The following RBMS2 variants were observed in gnomAD, a reference collection of about 807,000 sequenced individuals.
The protein encoded by RBMS2 is RNA binding motif single stranded interacting protein 2, also known as RNA-binding motif, single-stranded-interacting protein 2.
A neutral mutation model predicts 58.4 loss-of-function variants in RBMS2; 38 were observed. That is an observed-to-expected ratio of 0.65 (90% confidence interval 0.50 to 0.85). RBMS2 has a LOEUF of 0.85. Among genes scored for constraint, RBMS2 ranks in the 40% least tolerant of loss-of-function variants. The pLI is 0.00. For missense variants in RBMS2, 367 were observed against 503.7 expected (o/e 0.73, Z 2.60); for synonymous variants, 151 against 180.7 (o/e 0.84, Z 1.32).
chr12:56,569,124 A>G (rs990413879), intron 3 of RBMS2, 91 bp downstream of exon 3: 99 of 1,188,554 alleles, frequency 8.3e-5, no homozygotes, highest in Non-Finnish European at 1.2e-4. Context: ...TCCTGAGTCT[A>G]CAGTGTCAGC....
At chr12:56,570,697 C>T (rs939343399) in intron 4 of RBMS2, among the ~76,000 whole-genome samples, 6 of 152,212 alleles carry the variant, frequency 3.9e-5, no homozygotes, top group Non-Finnish European at 7.3e-5. Flanking sequence ...CCTGCCTCAG[C>T]CTCCCAAGTA....
At chr12:56,558,116 C>A (rs1286351394) in intron 1 of RBMS2, among the ~76,000 whole-genome samples, 1 of 131,192 alleles carries the variant, frequency 7.6e-6, no homozygotes, top group Non-Finnish European at 1.6e-5. Flanking sequence ...GAGAACTCAT[C>A]TCACTGCAAG....
intron 1 of RBMS2, among the ~76,000 whole-genome samples, chr12:56,558,293 G>T (rs1879665539): frequency 6.7e-6 from 1 of 149,290 alleles, no homozygotes; most frequent in South Asian, 2.1e-4. Flanking sequence ...TGATCCGCCA[G>T]CCTCGGCCTC....
intron 4 of RBMS2, among the ~76,000 whole-genome samples, chr12:56,570,348 T>C (rs1460735539): frequency 6.6e-6 from 1 of 152,150 alleles, no homozygotes; most frequent in Non-Finnish European, 1.5e-5. Context: ...AACAAGTCAA[T>C]TGTGCAACTC....
At chr12:56,579,685 T>C (rs918074595) in intron 5 of RBMS2, among the ~76,000 whole-genome samples, 2 of 152,030 alleles carry the variant, frequency 1.3e-5, no homozygotes, top group Non-Finnish European at 1.5e-5. Context: ...CTGGTGGTCA[T>C]TGGCACAGAA....
intron 1 of RBMS2, among the ~76,000 whole-genome samples, chr12:56,542,678 A>G (rs1018472770): frequency 6.6e-6 from 1 of 150,568 alleles, no homozygotes; most frequent in Non-Finnish European, 1.5e-5. Flanking sequence ...CCTCCTGAGT[A>G]GCTAGGACTA....
Position 56,581,419 on chromosome 12 carries a change from T to A in RBMS2, c.643T>A (p.Cys215Ser). The A allele has an allele frequency of 6.2e-7, 1 of 1,614,206 alleles. No homozygotes were observed. The highest frequency in any genetic ancestry group is 8.5e-7 in the Non-Finnish European group (1 of 1,180,046). The change falls in exon 7 of 14, where the codon TGC (cysteine) becomes AGC (serine). Residue 215 changes from cysteine (C) to serine (S), a missense_variant. Physicochemically the swap from Cys to Ser is moderately radical, Grantham distance 112. Transcript: ENST00000262031. ...GGCAGCCCCATCCGATCCCTTGCTT[T>A]GCAAATTTGCTGATGGCGGGCCAAA... ...GVPAPSDPLL[C>S]KFADGGPKKR... is the part of the protein sequence containing the mutation.
intron 1 of RBMS2, among the ~76,000 whole-genome samples, chr12:56,541,745 T>C (rs1876129726): frequency 6.6e-6 from 1 of 152,202 alleles, no homozygotes; most frequent in South Asian, 2.1e-4. Flanking sequence ...CATGTAAAAT[T>C]TGACCAGTTC....
intron 5 of RBMS2, among the ~76,000 whole-genome samples, chr12:56,573,901 C>G (rs1310459550): frequency 6.6e-6 from 1 of 152,072 alleles, no homozygotes. Flanking sequence ...AGTGCAATGG[C>G]ACAATCTTGG....
intron 1 of RBMS2, among the ~76,000 whole-genome samples, chr12:56,538,414 T>G (rs1391756220): frequency 6.6e-6 from 1 of 151,938 alleles, no homozygotes; most frequent in Non-Finnish European, 1.5e-5. Context: ...ATTTTTGGGA[T>G]TTTGATATGG....
intron 1 of RBMS2, among the ~76,000 whole-genome samples, chr12:56,539,229 C>G (rs2638316): frequency 0.6 from 90,457 of 151,808 alleles, 27,557 homozygotes; most frequent in East Asian, 0.71. Context: ...GTTGGCCAGG[C>G]TGGTCTGGAA....
At chr12:56,563,677 C>T (rs1414416935) in intron 2 of RBMS2, among the ~76,000 whole-genome samples, 1 of 152,102 alleles carries the variant, frequency 6.6e-6, no homozygotes, top group African/African-American at 2.4e-5. Context: ...GTGGCTCACA[C>T]CTGTAATCCT....
chr12:56,541,618 T>A (rs2657905), intron 1 of RBMS2, among the ~76,000 whole-genome samples: 90,665 of 152,136 alleles, frequency 0.6, 27,657 homozygotes, highest in East Asian at 0.71. Context: ...CTTATATTTG[T>A]GGGCTAGTAG....
At chr12:56,571,915 C>T in intron 5 of RBMS2, 60 bp downstream of exon 5, 1 of 1,354,936 alleles carries the variant, frequency 7.4e-7, no homozygotes, top group East Asian at 2.8e-5. Context: ...TTGGGGGTCA[C>T]CAGAAAACAA....
chr12:56,546,469 G>A (rs1335939930), intron 1 of RBMS2, among the ~76,000 whole-genome samples: 3 of 138,824 alleles, frequency 2.2e-5, no homozygotes, highest in Non-Finnish European at 3.1e-5. Flanking sequence ...TAAAATAAAT[G>A]TATATTATAT....
intron 1 of RBMS2, among the ~76,000 whole-genome samples, chr12:56,533,115 TG>T (rs1279915405): frequency 2.0e-5 from 3 of 152,032 alleles, no homozygotes; most frequent in Admixed American, 2.0e-4. Flanking sequence ...TTAAATTTTT[TG>T]TGGAGACAGG....
chr12:56,551,327 A>C lies in RBMS2; in HGVS notation c.67-11090A>C, dbSNP rs1250187030. Among the ~76,000 whole-genome samples the C allele has an allele frequency of 4.6e-5, 7 of 152,258 alleles. No homozygotes were observed. The East Asian group carries it at 1.3e-3, about 29-fold the overall frequency. On this transcript the variant is annotated intron_variant, in intron 1 of 13. Coordinates refer to ENST00000262031, the MANE Select transcript of RBMS2 (RefSeq NM_002898.4). The stretch of plus-strand genomic sequence containing the variant: ...TATTTAGAAGAGGACTCATAATTGT[A>C]CTGTGCCCCTCATGATTTCAAGATT...
chr12:56,557,206 C>T (rs1345079510), intron 1 of RBMS2, among the ~76,000 whole-genome samples: 3 of 152,090 alleles, frequency 2.0e-5, no homozygotes, highest in Non-Finnish European at 4.4e-5. Context: ...TATGTCAGTT[C>T]CCTGGGTGCT....
chr12:56,570,664 A>G (rs544559703), intron 4 of RBMS2, among the ~76,000 whole-genome samples: 28 of 151,994 alleles, frequency 1.8e-4, no homozygotes, highest in Admixed American at 1.4e-3. Flanking sequence ...TGCAAGCTGC[A>G]CCTCCCGGCT....
Sources: allele counts gnomAD v4.1 joint callset (sites outside exome capture counted in the v4.1 genomes callset), GRCh38; gene constraint gnomAD v4.1.1; transcripts MANE v1.5; gene names NCBI Gene and HGNC (gene_info 2026-07-23, HGNC 2026-07-21).